The following SP2 variants were observed in gnomAD, a reference collection of about 807,000 sequenced individuals.
SP2 encodes transcription factor Sp2.
SP2 carries 9 observed loss-of-function variants against 50.1 expected under a neutral mutation model. The ratio of observed to expected loss-of-function variants is 0.18; its 90% CI spans 0.11 to 0.31. The LOEUF (loss-of-function observed/expected upper bound fraction) is 0.31. Among genes scored for constraint, SP2 ranks in the 10% least tolerant of loss-of-function variants. The pLI is 1.00. For synonymous variants in SP2, 313 were observed against 326.6 expected (o/e 0.96, Z 0.45); for missense variants, 581 against 806.5 (o/e 0.72, Z 3.39).
intron 1 of SP2, among the ~76,000 whole-genome samples, chr17:47,906,584 A>G (rs1380455886): frequency 6.6e-6 from 1 of 152,246 alleles, no homozygotes; most frequent in African/African-American, 2.4e-5. Flanking sequence ...ATGCTGGGAA[A>G]GTCAAACAGC....
intron 3 of SP2, among the ~76,000 whole-genome samples, chr17:47,920,686 G>T (rs1036439128): frequency 3.3e-5 from 5 of 152,278 alleles, no homozygotes; most frequent in Admixed American, 2.0e-4. Flanking sequence ...CTCCCAAAGT[G>T]CTGGGATTAC....
chr17:47,910,722 G>A (rs1006978970), intron 1 of SP2, among the ~76,000 whole-genome samples: 2 of 152,138 alleles, frequency 1.3e-5, no homozygotes, highest in South Asian at 2.1e-4. Context: ...ATCCTGTAGC[G>A]TGTCAGTCAG....
intron 1 of SP2, among the ~76,000 whole-genome samples, chr17:47,896,918 C>T (rs1246209955): frequency 6.6e-6 from 1 of 152,190 alleles, no homozygotes; most frequent in African/African-American, 2.4e-5. Flanking sequence ...TGACCTCTCA[C>T]CGGGGAGTGG....
chr17:47,920,878 A>G (rs1245582517), intron 3 of SP2, among the ~76,000 whole-genome samples: 1 of 152,168 alleles, frequency 6.6e-6, no homozygotes, highest in Non-Finnish European at 1.5e-5. Context: ...CATTACCTCT[A>G]TATAATTTTA....
chr17:47,915,660 C>G (rs894441444), intron 2 of SP2, among the ~76,000 whole-genome samples: 1 of 152,148 alleles, frequency 6.6e-6, no homozygotes, highest in Non-Finnish European at 1.5e-5. Flanking sequence ...CTCATTGTCT[C>G]GAAAGTGTAG....
At chr17:47,897,763 T>C in intron 1 of SP2, 1 of 599,842 alleles carries the variant, frequency 1.7e-6, no homozygotes, top group Non-Finnish European at 2.1e-6. Context: ...TCTGCAATAA[T>C]GAATATAACT....
intron 1 of SP2, among the ~76,000 whole-genome samples, chr17:47,906,824 C>T (rs1243159849): frequency 1.3e-5 from 2 of 152,056 alleles, no homozygotes. Context: ...AGGTCTAACA[C>T]GTGGAGCAGA....
At position 47,917,016 on chromosome 17, in the gene SP2, G is replaced by C. The variant is rs756331316; in HGVS notation, c.945G>C (p.Gln315His). Residue 315 changes from glutamine to histidine, a missense_variant, in exon 3 of 7, where the codon CAG (glutamine) becomes CAC (histidine). Coordinates refer to ENST00000376741, the MANE Select transcript of SP2 (RefSeq NM_003110.6). Reference sequence around the variant, plus strand: ...AGGCCGAGCAGCAGCAGGTGGTACAGATCCCCCAGCAGGCTCTGCGGGTGG... The same window carrying C: ...AGGCCGAGCAGCAGCAGGTGGTACACATCCCCCAGCAGGCTCTGCGGGTGG... ...PPKAEQQQVV[Q>H]IPQQALRVVQ... 1 of 1,614,218 alleles carries C rather than the reference G, an allele frequency of 6.2e-7. No homozygotes were observed. The highest frequency in any genetic ancestry group is 1.1e-5 in the South Asian group (1 of 91,090).
At chr17:47,899,169 C>T (rs1260295876) in intron 1 of SP2, 9 of 152,118 alleles carry the variant, frequency 5.9e-5, no homozygotes, top group Admixed American at 5.2e-4. Flanking sequence ...ACACTTAGAT[C>T]TTTATGTTTC....
intron 1 of SP2, among the ~76,000 whole-genome samples, chr17:47,902,393 A>C (rs1463771490): frequency 6.6e-5 from 10 of 152,194 alleles, no homozygotes; most frequent in African/African-American, 2.4e-4. Flanking sequence ...GAGCAGAGAA[A>C]TAACATGGTT....
intron 1 of SP2, chr17:47,897,824 C>G: frequency 7.1e-6 from 7 of 983,776 alleles, no homozygotes; most frequent in Non-Finnish European, 8.5e-6. Flanking sequence ...GGGGGCGAAT[C>G]TATCAGACAA....
downstream of SP2, among the ~76,000 whole-genome samples, chr17:47,930,788 C>T (rs2035802836): frequency 6.6e-6 from 1 of 152,014 alleles, no homozygotes; most frequent in South Asian, 2.1e-4. Flanking sequence ...TGTGTAGTTC[C>T]TCCTCTGTCC....
chr17:47,910,305 A>G (rs571867609), intron 1 of SP2, among the ~76,000 whole-genome samples: 1 of 152,362 alleles, frequency 6.6e-6, no homozygotes. Context: ...GGTCCGTCAC[A>G]TGTAATAAGG....
chr17:47,913,583 T>A (rs1251788331), intron 1 of SP2, among the ~76,000 whole-genome samples: 9 of 152,110 alleles, frequency 5.9e-5, no homozygotes, highest in African/African-American at 2.2e-4. Flanking sequence ...TTTTAAAAAA[T>A]TTTTATTAGG....
Position 47,916,060 on chromosome 17 carries a change from G to A in SP2, c.85-96G>A, listed in dbSNP as rs1598143317. Reference sequence around the variant, plus strand: ...GCCTGCCCCGGAGGTGGGGAAGACTGGCGTGGAATGCCGCCAGGAGGAGAG... The same window carrying A: ...GCCTGCCCCGGAGGTGGGGAAGACTAGCGTGGAATGCCGCCAGGAGGAGAG... On this transcript the variant is annotated intron_variant, in intron 2 of 6. Transcript: ENST00000376741. The surrounding 1 kb of genome is among the most constrained non-coding windows in gnomAD (Gnocchi z 4.7). 1 of 1,440,936 alleles carries A rather than the reference G, an allele frequency of 6.9e-7. No homozygotes were observed. Among genetic ancestry groups the A allele is most frequent in the Non-Finnish European group, 9.3e-7 (1 of 1,070,800 alleles). The allele number at this position is 1,440,936 out of a possible 1,614,324, so 89.3% of individuals were successfully genotyped here.
At chr17:47,896,973 CA>C (rs1347362818) in intron 1 of SP2, among the ~76,000 whole-genome samples, 1 of 152,200 alleles carries the variant, frequency 6.6e-6, no homozygotes, top group Non-Finnish European at 1.5e-5. Flanking sequence ...CTTGATCTTC[CA>C]GCTAGATATC....
chr17:47,916,578 C>G lies in SP2; in HGVS notation c.507C>G (p.Pro169=). Residue 169 remains proline, a synonymous_variant, in exon 3 of 7, where the codon CCC becomes CCG. Transcript: ENST00000376741. This position sits in a 1 kb window ranked among gnomAD's most constrained non-coding sequence, Gnocchi z 4.7. ...GCACCAACCAAGCCATCATCACCCC[C>G]TCACCGTCCAGTCACAAGCCTGTCC... is the stretch of plus-strand genomic sequence containing the variant. ...IPGTNQAIIT[P]SPSSHKPVPI... is the part of the protein sequence containing the mutation. 2 of 1,614,166 alleles carry G rather than the reference C, an allele frequency of 1.2e-6. No individual in the cohort carries two copies. The highest frequency in any genetic ancestry group is 1.3e-5 in the African/African-American group (1 of 75,050).
chr17:47,922,937 A>G (rs1448005004), intron 3 of SP2, 25 bp from the exon 4 acceptor site: 2 of 1,589,532 alleles, frequency 1.3e-6, no homozygotes, highest in African/African-American at 1.3e-5. Context: ...CCAGGCACTG[A>G]TTTTTTTTCT....
At position 47,916,887 on chromosome 17, in the gene SP2, C is replaced by A; in HGVS notation, c.816C>A (p.Thr272=). 1 of 1,614,192 alleles carries A rather than the reference C, an allele frequency of 6.2e-7. No individual in the cohort carries two copies. Among genetic ancestry groups the A allele is most frequent in the Non-Finnish European group, 8.5e-7 (1 of 1,180,018 alleles). Residue 272 remains threonine, a synonymous_variant, in exon 3 of 7, where the codon ACC becomes ACA. Transcript: ENST00000376741. This position sits in a 1 kb window ranked among gnomAD's most constrained non-coding sequence, Gnocchi z 4.7. ...AGGTGGAGACGGTGCTGATCGAGAC[C>A]ACCGCGGACAACATCATCCAGGCAG... is the stretch of plus-strand genomic sequence containing the variant. ...AEQVETVLIE[T]TADNIIQAGN...
Sources: gnomAD v4.1 joint callset for allele counts (sites outside exome capture counted in the v4.1 genomes callset) on GRCh38, gnomAD v4.1.1 for gene constraint, Gnocchi (gnomAD v3.1) non-coding constraint, MANE v1.5 for transcripts, NCBI Gene and HGNC (gene_info 2026-07-23, HGNC 2026-07-21) for gene names.